The following MACF1 variants were observed in gnomAD, a reference collection of about 807,000 sequenced individuals.
The protein encoded by MACF1 is microtubule actin crosslinking factor 1, also known as microtubule-actin cross-linking factor 1.
A neutral mutation model predicts 854.8 loss-of-function variants in MACF1; 193 were observed. The ratio of observed to expected loss-of-function variants is 0.23; its 90% confidence interval spans 0.20 to 0.25. The LOEUF (loss-of-function observed/expected upper bound fraction) is 0.25, where lower values mean the gene tolerates loss of function less well. MACF1 is among the 10% of genes least tolerant of loss of function. MACF1 has a pLI of 1.00. For missense variants in MACF1, 7,722 were observed against 8,929.1 expected, an observed-to-expected ratio of 0.86 and a Z score of 5.45; for synonymous variants, 3,185 against 3,226.7, an observed-to-expected ratio of 0.99 and a Z score of 0.44.
At chr1:39,096,584 A>T (rs894966069) in intron 2 of MACF1, among the ~76,000 whole-genome samples, 1 of 71,268 alleles carries the variant, frequency 1.4e-5, no homozygotes, top group African/African-American at 3.5e-5. Context: ...GCAAGACTCT[A>T]TCTCAAAAAA....
chr1:39,353,292 C>A, intron 44 of MACF1, 61 bp downstream of exon 44: 1 of 1,278,834 alleles, frequency 7.8e-7, no homozygotes, highest in Non-Finnish European at 1.1e-6. Flanking sequence ...GAGCAAGTAA[C>A]CACAATCACC....
At chr1:39,326,697 A>AT (rs888494762) in intron 35 of MACF1, among the ~76,000 whole-genome samples, 16 of 149,102 alleles carry the variant, frequency 1.1e-4, no homozygotes, top group Non-Finnish European at 1.6e-4. Flanking sequence ...AAAAAAAAAA[A>AT]AAAAGAGAGA....
At chr1:39,484,887 T>C in intron 100 of MACF1, 157 bp downstream of exon 100, 1 of 786,428 alleles carries the variant, frequency 1.3e-6, no homozygotes, top group Non-Finnish European at 2.1e-6. Flanking sequence ...GACCTTTACT[T>C]TTTCTGTCAT....
Position 39,333,271 on chromosome 1 carries a change from A to G in MACF1, c.6683A>G (p.Glu2228Gly). ...DGNVHPLDKK[E>G]MLKKTFLAKD... is the part of the protein sequence containing the mutation. ...AATGTTCATCCTCTGGACAAAAAGGAAATGTTAAAGAAAACATTTCTGGCT... is the reference window on the plus strand; with the variant it reads ...AATGTTCATCCTCTGGACAAAAAGGGAATGTTAAAGAAAACATTTCTGGCT... The change falls in exon 37 of 101, where the codon GAA becomes GGA. Residue 2228 changes from glutamate to glycine, a missense_variant. By Grantham distance (98) the Glu-to-Gly change is moderately conservative. Transcript: ENST00000564288. 6.2e-7 allele frequency: 1 copy of G among 1,614,126 alleles called. No homozygotes were observed. The highest frequency in any genetic ancestry group is 8.5e-7 in the Non-Finnish European group (1 of 1,180,032).
chr1:39,095,326 G>A (rs540608220), intron 2 of MACF1, among the ~76,000 whole-genome samples: 2 of 152,080 alleles, frequency 1.3e-5, no homozygotes, highest in Non-Finnish European at 2.9e-5. Context: ...ACTTTGGGAG[G>A]CCGAGGCGGG....
At chr1:39,166,909 C>G (rs1265498133) in intron 2 of MACF1, among the ~76,000 whole-genome samples, 1 of 152,022 alleles carries the variant, frequency 6.6e-6, no homozygotes, top group African/African-American at 2.4e-5. Flanking sequence ...TAAGTATGTA[C>G]CTGATTTTAG....
At chr1:39,311,297 C>G (rs1557580747) in intron 26 of MACF1, among the ~76,000 whole-genome samples, 2 of 152,312 alleles carry the variant, frequency 1.3e-5, no homozygotes, top group East Asian at 3.9e-4. Flanking sequence ...AGAGATGCTA[C>G]TCTTTTATTC....
At chr1:39,165,732 T>C (rs1643875781) in intron 2 of MACF1, among the ~76,000 whole-genome samples, 1 of 152,242 alleles carries the variant, frequency 6.6e-6, no homozygotes, top group Non-Finnish European at 1.5e-5. Flanking sequence ...TACTTTTATG[T>C]TGATTACTCA....
intron 56 of MACF1, among the ~76,000 whole-genome samples, 156 bp from the exon 57 acceptor site, chr1:39,385,278 G>T (rs1247547353): frequency 6.6e-6 from 1 of 152,118 alleles, no homozygotes; most frequent in Non-Finnish European, 1.5e-5. Flanking sequence ...ACGTTGGCCA[G>T]GCTAGTCTTG....
intron 91 of MACF1, chr1:39,459,825 G>T: frequency 7.7e-7 from 1 of 1,304,242 alleles, no homozygotes. Context: ...AAGCAGCTAT[G>T]CCTGGAAGTG....
intron 49 of MACF1, among the ~76,000 whole-genome samples, chr1:39,366,055 ATG>A (rs1648679541): frequency 6.6e-6 from 1 of 152,116 alleles, no homozygotes; most frequent in South Asian, 2.1e-4. Context: ...TAGAGGCTTT[ATG>A]GTATATTTTA....
Position 39,353,041 on chromosome 1 carries a change from A to G in MACF1, c.11234A>G (p.Lys3745Arg), listed in dbSNP as rs1323529584. The change falls in exon 44 of 101, where the codon AAG becomes AGG. Residue 3745 changes from lysine to arginine, a missense_variant. Physicochemically the swap from Lys to Arg is conservative, Grantham distance 26. Around this residue, in one of 15 missense-constraint regions of MACF1, gnomAD observed 2,807 missense variants for 3,235.8 expected, o/e 0.87. Coordinates refer to ENST00000564288, the MANE Select transcript of MACF1 (RefSeq NM_001394062.1). ...KAAKELAENK[K>R]KIDALLDWVT... ...GCAAAGGAACTGGCAGAGAACAAGAAGAAGATCGATGCTCTCCTGGATTGG... is the reference window on the plus strand; with the variant it reads ...GCAAAGGAACTGGCAGAGAACAAGAGGAAGATCGATGCTCTCCTGGATTGG... 6.2e-7 allele frequency: 1 copy of G among 1,613,920 alleles called. No homozygotes were observed. The highest frequency in any genetic ancestry group is 1.7e-5 in the Admixed American group (1 of 59,992).
At chr1:39,183,436 T>G (rs376708074) in intron 2 of MACF1, among the ~76,000 whole-genome samples, 15 of 152,186 alleles carry the variant, frequency 9.9e-5, no homozygotes, top group African/African-American at 3.6e-4. Context: ...ATTGGGCCCC[T>G]TATTGCTGCC....
In MACF1 at chr1:39,123,726, T is replaced by TG. The variant is rs576990919; in HGVS notation, c.220+39288_220+39289insG. 4.8e-4 allele frequency among the ~76,000 whole-genome samples: 66 copies of TG among 137,776 alleles called. 3 individuals carry two copies. The East Asian group carries it at 6.4e-3, about 13-fold the overall frequency. 90.4% of individuals were successfully genotyped at this position (137,776 alleles called of 152,430 possible). ...GGCTAATTCTTGTTTTGTTTTTTTT[T>TG]TTTTTTTTTTTGTCCGAGGCAGAGT... On this transcript the variant is annotated intron_variant, in intron 2 of 93. Transcript: ENST00000361689.
At chr1:39,156,834 T>C (rs1352480150) in intron 2 of MACF1, among the ~76,000 whole-genome samples, 2 of 152,212 alleles carry the variant, frequency 1.3e-5, no homozygotes, top group African/African-American at 4.8e-5. Context: ...AAATGAACCA[T>C]GTATTTGTGT....
At chr1:39,275,329 G>A (rs1006784547) in intron 6 of MACF1, among the ~76,000 whole-genome samples, 2 of 151,990 alleles carry the variant, frequency 1.3e-5, no homozygotes, top group Non-Finnish European at 2.9e-5. Context: ...TGACCCGCCC[G>A]CCTCTGCCTC....
intron 23 of MACF1, among the ~76,000 whole-genome samples, chr1:39,306,350 A>T (rs1646175560): frequency 6.6e-6 from 1 of 151,664 alleles, no homozygotes. Context: ...CTGGTCTCGA[A>T]CTCCTGACCT....
chr1:39,361,168 G>A (rs997570080), intron 48 of MACF1, among the ~76,000 whole-genome samples, 167 bp downstream of exon 48: 5 of 152,190 alleles, frequency 3.3e-5, no homozygotes, highest in African/African-American at 4.8e-5. Flanking sequence ...AGTTGAGCTG[G>A]AATGAAAGTG....
At chr1:39,123,875 C>G (rs1194697392) in intron 2 of MACF1, among the ~76,000 whole-genome samples, 1 of 151,710 alleles carries the variant, frequency 6.6e-6, no homozygotes, top group Non-Finnish European at 1.5e-5. Flanking sequence ...TAGGCGCATG[C>G]TACCATGCCT....
Sources: allele counts gnomAD v4.1 joint callset (sites outside exome capture counted in the v4.1 genomes callset), GRCh38; gene constraint gnomAD v4.1.1; regional missense constraint gnomAD v4.1.1; transcripts MANE v1.5; gene names NCBI Gene and HGNC (gene_info 2026-07-23, HGNC 2026-07-21).